The following B3GLCT variants were observed in gnomAD, a reference collection of about 807,000 sequenced individuals.
B3GLCT encodes the protein beta-1,3-glucosyltransferase.
In B3GLCT, 65 loss-of-function variants were observed where a neutral mutation model predicts 63.4. The ratio of observed to expected loss-of-function variants is 1.03; its 90% CI spans 0.84 to 1.26. The LOEUF is 1.26. Ranked by LOEUF, B3GLCT falls within the 50% of genes most tolerant of loss-of-function variation. B3GLCT has a pLI of 0.00. For missense variants in B3GLCT, 577 were observed against 604.8 expected (o/e 0.95, Z 0.48); for synonymous variants, 233 against 219.2 (o/e 1.06, Z -0.55).
At chr13:31,221,822 C>G (rs1177315250) in intron 2 of B3GLCT, among the ~76,000 whole-genome samples, 1 of 152,150 alleles carries the variant, frequency 6.6e-6, no homozygotes, top group African/African-American at 2.4e-5. Context: ...GCCACCATCC[C>G]GTTGTCATAA....
intron 14 of B3GLCT, among the ~76,000 whole-genome samples, chr13:31,327,995 A>G (rs774383704): frequency 7.2e-5 from 11 of 152,244 alleles, no homozygotes; most frequent in Middle Eastern, 3.2e-3. Context: ...AACCGGCGGT[A>G]AGATGGCTTG....
intron 3 of B3GLCT, among the ~76,000 whole-genome samples, chr13:31,225,771 C>G (rs1870068761): frequency 6.6e-6 from 1 of 152,092 alleles, no homozygotes; most frequent in South Asian, 2.1e-4. Context: ...TTTCCCCCAT[C>G]TTCGGGACAG....
chr13:31,276,381 C>T (rs1872783649), intron 9 of B3GLCT, among the ~76,000 whole-genome samples: 1 of 152,126 alleles, frequency 6.6e-6, no homozygotes, highest in Admixed American at 6.6e-5. Context: ...TTACTATGTG[C>T]TTAATAAATT....
At position 31,229,829 on chromosome 13, in the gene B3GLCT, GTA is replaced by G. The variant is rs138923330; in HGVS notation, c.270+548_270+549del. The stretch of plus-strand genomic sequence containing the variant: ...ATTCTGAATTTTTTTTTGTGTGTGT[GTA>G]TATATATATATAAAAATATATATAA... On this transcript the variant is annotated intron_variant, in intron 4 of 14. Coordinates refer to ENST00000343307, the MANE Select transcript of B3GLCT (RefSeq NM_194318.4). 3.4e-5 allele frequency among the ~76,000 whole-genome samples: 5 copies of G among 147,212 alleles called. No homozygotes were observed. The East Asian group carries it at 5.9e-4, about 17-fold the overall frequency.
intron 4 of B3GLCT, among the ~76,000 whole-genome samples, chr13:31,240,486 T>TG (rs2137793938): frequency 6.6e-6 from 1 of 151,496 alleles, no homozygotes; most frequent in East Asian, 1.9e-4. Flanking sequence ...TTCTTTTTTT[T>TG]TTTTTATATT....
At chr13:31,328,303 A>T (rs1875735541) in intron 14 of B3GLCT, among the ~76,000 whole-genome samples, 1 of 152,244 alleles carries the variant, frequency 6.6e-6, no homozygotes, top group South Asian at 2.1e-4. Flanking sequence ...TTTAAAATGC[A>T]TCACATCTAG....
rs941090699 is a variant in B3GLCT, at chr13:31,215,080, A to G, written c.100A>G (p.Lys34Glu). The change falls in exon 2 of 15, where the codon AAA becomes GAA. Residue 34 changes from lysine (K) to glutamate (E), a missense_variant. Physicochemically the swap from Lys to Glu is moderately conservative, Grantham distance 56. Transcript: ENST00000343307. ...TGGTTTGGCTTCTGAAGATACAAAG[A>G]AAGAGGTCAAGCAGTCTCAGGTACT... ...AFGLASEDTKKEVKQSQDLEK... is the reference protein window; with the variant it reads ...AFGLASEDTKEEVKQSQDLEK... 37 of 1,611,226 alleles carry G rather than the reference A, an allele frequency of 2.3e-5. No homozygotes were observed. The highest frequency in any genetic ancestry group is 3.1e-5 in the Non-Finnish European group (36 of 1,179,736).
Position 31,215,085 on chromosome 13 carries a change from G to A in B3GLCT, c.105G>A (p.Glu35=), listed in dbSNP as rs776159472. 12 of 1,610,950 alleles carry A rather than the reference G, an allele frequency of 7.4e-6. No homozygotes were observed. Among genetic ancestry groups the A allele is most frequent in the Non-Finnish European group, 8.5e-6 (10 of 1,179,594 alleles). ...FGLASEDTKK[E]VKQSQDLEKS... ...TGGCTTCTGAAGATACAAAGAAAGA[G>A]GTCAAGCAGTCTCAGGTACTAATCC... Residue 35 remains glutamate, a synonymous_variant, in exon 2 of 15, where the codon GAG becomes GAA. Transcript: ENST00000343307.
intron 12 of B3GLCT, among the ~76,000 whole-genome samples, chr13:31,295,138 G>A (rs936247280): frequency 1.3e-5 from 2 of 152,192 alleles, no homozygotes; most frequent in African/African-American, 4.8e-5. Flanking sequence ...GGTATTACCA[G>A]TGGAGGCTGC....
At chr13:31,241,414 G>A (rs1397738793) in intron 4 of B3GLCT, among the ~76,000 whole-genome samples, 1 of 152,240 alleles carries the variant, frequency 6.6e-6, no homozygotes, top group Non-Finnish European at 1.5e-5. Context: ...ATGCAAGTGT[G>A]CAGAGGAGGT....
chr13:31,221,842 A>G (rs1260842278), intron 2 of B3GLCT, among the ~76,000 whole-genome samples: 2 of 152,200 alleles, frequency 1.3e-5, no homozygotes, highest in Admixed American at 6.5e-5. Flanking sequence ...ATTATAGCAT[A>G]TGACTGTTGA....
At chr13:31,274,688 A>G in intron 9 of B3GLCT, 60 bp downstream of exon 9, 1 of 1,585,040 alleles carries the variant, frequency 6.3e-7, no homozygotes, top group Non-Finnish European at 8.7e-7. Context: ...TGCTGTGCAT[A>G]ATGTCATCCT....
intron 8 of B3GLCT, among the ~76,000 whole-genome samples, chr13:31,273,939 A>G (rs1872673768): frequency 1.3e-5 from 2 of 152,100 alleles, no homozygotes; most frequent in South Asian, 4.1e-4. Context: ...TGGGTCATAG[A>G]CTTCAGTCTC....
chr13:31,322,012 A>G (rs1342041638), intron 13 of B3GLCT, among the ~76,000 whole-genome samples: 1 of 152,134 alleles, frequency 6.6e-6, no homozygotes, highest in African/African-American at 2.4e-5. Flanking sequence ...CGAGTTCCCA[A>G]AGTTCATTGT....
At chr13:31,273,485 A>G (rs1173132649) in intron 8 of B3GLCT, among the ~76,000 whole-genome samples, 1 of 147,296 alleles carries the variant, frequency 6.8e-6, no homozygotes. Flanking sequence ...TCTTTATAAA[A>G]ATATATTAAG....
chr13:31,295,236 A>G (rs1873873834), intron 12 of B3GLCT, among the ~76,000 whole-genome samples: 1 of 152,152 alleles, frequency 6.6e-6, no homozygotes, highest in Non-Finnish European at 1.5e-5. Context: ...GCTCTGCTGT[A>G]TGAGGAGTCT....
At chr13:31,249,814 G>A (rs1871346876) in intron 6 of B3GLCT, among the ~76,000 whole-genome samples, 1 of 152,144 alleles carries the variant, frequency 6.6e-6, no homozygotes, top group African/African-American at 2.4e-5. Context: ...TCAAACCAGT[G>A]TGATTTTTTT....
chr13:31,316,407 T>TTTTATATA (rs1239451482), intron 12 of B3GLCT, among the ~76,000 whole-genome samples: 80 of 40,872 alleles, frequency 2.0e-3, no homozygotes, highest in Admixed American at 1.8e-3. Flanking sequence ...TTTGGAGGTT[T>TTTTATATA]TATATATATA....
chr13:31,208,827 A>T (rs978252957), intron 1 of B3GLCT, among the ~76,000 whole-genome samples: 5 of 151,288 alleles, frequency 3.3e-5, no homozygotes, highest in African/African-American at 1.2e-4. Flanking sequence ...CTCAGGAAAA[A>T]CCTGACTCCC....
Sources: gnomAD v4.1 joint callset for allele counts (sites outside exome capture counted in the v4.1 genomes callset) on GRCh38, gnomAD v4.1.1 for gene constraint, MANE v1.5 for transcripts, NCBI Gene and HGNC (gene_info 2026-07-23, HGNC 2026-07-21) for gene names.